KALRN: variants seen among roughly 807,000 people sequenced by gnomAD.
KALRN encodes the protein kalirin.
KALRN carries 70 observed loss-of-function variants against 353.7 expected under a neutral mutation model. The ratio of observed to expected loss-of-function variants is 0.20; its 90% CI spans 0.16 to 0.24. The LOEUF is 0.24. Among genes scored for constraint, KALRN ranks in the 10% least tolerant of loss-of-function variants. The pLI, the probability that KALRN is intolerant of heterozygous loss-of-function variation, is 1.00. For synonymous variants in KALRN, 1,391 were observed against 1,434.8 expected (o/e 0.97, Z 0.69); for missense variants, 2,791 against 3,756.7 (o/e 0.74, Z 6.72).
rs1202684432 is a variant in KALRN at position 124,720,179 on chromosome 3, G to C, written c.*709G>C. 6.6e-6 allele frequency: 1 copy of C among 152,554 alleles called. No homozygotes were observed. The highest frequency in any genetic ancestry group is 6.5e-5 in the Admixed American group (1 of 15,274). 9.5% of individuals were successfully genotyped at this position (152,554 alleles called of 1,614,324 possible). On this transcript the variant is annotated 3_prime_UTR_variant, in exon 60 of 60. Transcript: ENST00000682506. ...TAAGAGAAAGCAATGTTGCCCTTTTGAATGAGAAAATTTTTTCTGTCAATC... is the reference window on the plus strand; with the variant it reads ...TAAGAGAAAGCAATGTTGCCCTTTTCAATGAGAAAATTTTTTCTGTCAATC...
chr3:124,087,945 C>G lies in KALRN; in HGVS notation c.73+54132C>G, dbSNP rs139435739. Among the ~76,000 whole-genome samples, 44 of 152,238 alleles carry G rather than the reference C, an allele frequency of 2.9e-4. No individual in the cohort carries two copies. The East Asian group carries it at 7.9e-3, about 27-fold the overall frequency. ...AAGATGAGTTACAGTAAAATGTTGT[C>G]CTTCTACTACTGTTGCTCAGACTCC... On this transcript the variant is annotated intron_variant, in intron 1 of 59. Coordinates refer to ENST00000682506, the MANE Select transcript of KALRN (RefSeq NM_001388419.1).
rs1478526813 is a variant in KALRN, at chr3:124,264,486, A to T, written c.264-12A>T. 68 of 1,611,702 alleles carry T rather than the reference A, an allele frequency of 4.2e-5. No individual in the cohort carries two copies. The highest frequency in any genetic ancestry group is 5.6e-5 in the Non-Finnish European group (66 of 1,178,848). ...CCCAGAGTGACCATACCGACCTCTG[A>T]CCTCCCCACAGTGAGGACGTGTGCA... On this transcript the variant is annotated splice_polypyrimidine_tract_variant and intron_variant, in intron 3 of 59. Coordinates refer to ENST00000682506, the MANE Select transcript of KALRN (RefSeq NM_001388419.1).
Position 124,392,557 on chromosome 3 carries a change from GT to G in KALRN, c.1963-2570del, listed in dbSNP as rs569634416. On this transcript the variant is annotated intron_variant, in intron 11 of 59. Coordinates refer to ENST00000682506, the MANE Select transcript of KALRN (RefSeq NM_001388419.1). Reference sequence around the variant, plus strand: ...GAAACTTTTTTTTTTTGGAGACAGAGTTTTTTTTGTTTTTTTTTTTAACAAT... The same window carrying G: ...GAAACTTTTTTTTTTTGGAGACAGAGTTTTTTTGTTTTTTTTTTTAACAAT... Among the ~76,000 whole-genome samples the G allele has an allele frequency of 5.6e-3, 713 of 126,994 alleles. 4 individuals carry two copies. Among genetic ancestry groups the G allele is most frequent in the African/African-American group, 0.02 (681 of 33,412 alleles). The allele number at this position is 126,994 out of a possible 152,430, so 83.3% of individuals were successfully genotyped here. A position where few individuals can be genotyped will look rare whatever the true frequency, so the allele number is the denominator to read the frequency against.
chr3:124,481,412 G>T (rs1254979346), intron 27 of KALRN, among the ~76,000 whole-genome samples: 1 of 152,108 alleles, frequency 6.6e-6, no homozygotes, highest in East Asian at 1.9e-4. Flanking sequence ...TGGCCATGTT[G>T]CCCCGGCTGG....
chr3:124,396,505 C>G (rs542203379), intron 12 of KALRN, among the ~76,000 whole-genome samples: 2 of 152,160 alleles, frequency 1.3e-5, no homozygotes, highest in Non-Finnish European at 2.9e-5. Context: ...CATTTGCTTC[C>G]GAAGAGAATT....
chr3:124,182,589 C>A (rs897167225), intron 1 of KALRN, among the ~76,000 whole-genome samples: 1 of 152,206 alleles, frequency 6.6e-6, no homozygotes, highest in Non-Finnish European at 1.5e-5. Context: ...TCACCTTTGC[C>A]TTATTATACT....
intron 25 of KALRN, among the ~76,000 whole-genome samples, chr3:124,471,167 T>C (rs992996199): frequency 6.6e-5 from 10 of 152,004 alleles, no homozygotes; most frequent in African/African-American, 2.4e-4. Flanking sequence ...AGAACTACTG[T>C]TTATTTAGTG....
intron 1 of KALRN, among the ~76,000 whole-genome samples, chr3:124,141,734 G>C (rs1336502610): frequency 6.6e-6 from 1 of 152,186 alleles, no homozygotes; most frequent in Admixed American, 6.5e-5. Context: ...CTTCCTTTCA[G>C]TCACAGCCTG....
intron 1 of KALRN, among the ~76,000 whole-genome samples, chr3:124,198,780 A>AG (rs1420731590): frequency 2.6e-5 from 4 of 152,330 alleles, no homozygotes; most frequent in Non-Finnish European, 4.4e-5. Context: ...CACTGACTCT[A>AG]GAGAGGTTAG....
At chr3:124,181,535 T>C (rs1179467272) in intron 1 of KALRN, among the ~76,000 whole-genome samples, 1 of 152,194 alleles carries the variant, frequency 6.6e-6, no homozygotes, top group East Asian at 1.9e-4. Context: ...AGCTCTAATT[T>C]ACTACGAAAT....
intron 50 of KALRN, 23 bp from the exon 51 acceptor site, chr3:124,679,435 C>A: frequency 6.2e-7 from 1 of 1,608,946 alleles, no homozygotes; most frequent in Non-Finnish European, 8.5e-7. Context: ...CTTTCTTCCC[C>A]CTTCCTCATG....
chr3:124,683,374 G>T (rs17307972), intron 51 of KALRN, among the ~76,000 whole-genome samples: 4,495 of 152,200 alleles, frequency 0.03, 85 homozygotes, highest in Non-Finnish European at 0.044. Flanking sequence ...GGTGAGGCAG[G>T]TTTCCACCTT....
chr3:124,273,075 T>A (rs2074335090), intron 5 of KALRN, among the ~76,000 whole-genome samples: 1 of 152,228 alleles, frequency 6.6e-6, no homozygotes, highest in Non-Finnish European at 1.5e-5. Context: ...GTGGGCGCAG[T>A]CTCGCCCCTG....
chr3:124,086,353 G>GTT (rs1184866070), intron 1 of KALRN, among the ~76,000 whole-genome samples: 11 of 143,228 alleles, frequency 7.7e-5, no homozygotes, highest in Admixed American at 4.3e-4. Flanking sequence ...GTGTGTGTGT[G>GTT]TTTTTGCTGG....
chr3:124,500,173 G>A (rs1041868637), intron 33 of KALRN, among the ~76,000 whole-genome samples: 1 of 152,104 alleles, frequency 6.6e-6, no homozygotes, highest in Admixed American at 6.6e-5. Context: ...CTTTTTTATG[G>A]ACTGCCCTTA....
intron 1 of KALRN, among the ~76,000 whole-genome samples, chr3:124,145,387 C>A (rs149551972): frequency 5.6e-4 from 85 of 152,322 alleles, no homozygotes; most frequent in African/African-American, 1.9e-3. Flanking sequence ...CACCCCAGAT[C>A]AATGACATTA....
In KALRN at chr3:124,719,539, T is replaced by C. The variant is rs532336863; in HGVS notation, c.*69T>C. 2.4e-5 allele frequency: 34 copies of C among 1,388,670 alleles called. No individual in the cohort carries two copies. In the Admixed American group the frequency reaches 6.0e-4, roughly 25 times the overall value. The allele number at this position is 1,388,670 out of a possible 1,614,324, so 86.0% of individuals were successfully genotyped here. A position where few individuals can be genotyped will look rare whatever the true frequency, so the allele number is the denominator to read the frequency against. On this transcript the variant is annotated 3_prime_UTR_variant, in exon 60 of 60. Coordinates refer to ENST00000682506, the MANE Select transcript of KALRN (RefSeq NM_001388419.1). The surrounding 1 kb of genome is among the most constrained non-coding windows in gnomAD (Gnocchi z 5.3). ...ACCAAAGCAAGACTGAATGTGACTG[T>C]AAATAATTCTGTTCATCATTTCACT...
chr3:124,155,617 C>T (rs2068865253), intron 1 of KALRN, among the ~76,000 whole-genome samples: 1 of 152,188 alleles, frequency 6.6e-6, no homozygotes, highest in Non-Finnish European at 1.5e-5. Context: ...AGTTAAGAAA[C>T]CATCCTCTCC....
intron 1 of KALRN, among the ~76,000 whole-genome samples, chr3:124,077,185 G>T (rs965524308): frequency 6.6e-6 from 1 of 152,218 alleles, no homozygotes; most frequent in African/African-American, 2.4e-5. Context: ...GGGTCAGGCT[G>T]GCCAGAGGAG....
Sources: gnomAD v4.1 joint callset for allele counts (sites outside exome capture counted in the v4.1 genomes callset) on GRCh38, gnomAD v4.1.1 for gene constraint, Gnocchi (gnomAD v3.1) non-coding constraint, MANE v1.5 for transcripts, NCBI Gene and HGNC (gene_info 2026-07-23, HGNC 2026-07-21) for gene names.